LMCD1: variants seen among roughly 807,000 people sequenced by gnomAD.
LMCD1 encodes LIM and cysteine-rich domains protein 1.
Under a neutral mutation model 42.7 loss-of-function variants are expected in LMCD1, and 32 were observed. The ratio of observed to expected loss-of-function variants is 0.75; its 90% CI spans 0.57 to 1.01. The LOEUF (loss-of-function observed/expected upper bound fraction) is 1.01, where lower values mean the gene tolerates loss of function less well. LMCD1 is among the 50% of genes least tolerant of loss of function. The probability of loss-of-function intolerance (pLI) is 0.00; values close to 1 mark genes in which losing one functional copy is unlikely to be tolerated. For missense variants in LMCD1, 458 were observed against 483.1 expected, an observed-to-expected ratio of 0.95 and a Z score of 0.49; for synonymous variants, 178 against 184.9, an observed-to-expected ratio of 0.96 and a Z score of 0.30.
intron 4 of LMCD1, among the ~76,000 whole-genome samples, chr3:8,561,083 A>G (rs1414046026): frequency 6.6e-6 from 1 of 152,252 alleles, no homozygotes; most frequent in African/African-American, 2.4e-5. Flanking sequence ...ATCAAAGTAT[A>G]TAAGTTAAGA....
At chr3:8,554,879 GA>G (rs1294998696) in intron 4 of LMCD1, among the ~76,000 whole-genome samples, 6 of 152,176 alleles carry the variant, frequency 3.9e-5, no homozygotes, top group Non-Finnish European at 7.4e-5. Context: ...GAAGAAAGGG[GA>G]AAGAAAGCCA....
intron 1 of LMCD1, among the ~76,000 whole-genome samples, chr3:8,527,171 C>T (rs1694316937): frequency 6.6e-6 from 1 of 152,152 alleles, no homozygotes; most frequent in Non-Finnish European, 1.5e-5. Context: ...TTGGCATGTG[C>T]CTGGCACATA....
chr3:8,539,626 T>G (rs1483026171), intron 3 of LMCD1, among the ~76,000 whole-genome samples: 2 of 151,962 alleles, frequency 1.3e-5, no homozygotes, highest in African/African-American at 4.8e-5. Context: ...CCCAAACACA[T>G]TGACCCCAGA....
At chr3:8,505,709 C>A (rs1470631529) in intron 1 of LMCD1, among the ~76,000 whole-genome samples, 2 of 152,240 alleles carry the variant, frequency 1.3e-5, no homozygotes, top group Non-Finnish European at 2.9e-5. Flanking sequence ...AAGTCCATTG[C>A]CAGGTCCACC....
chr3:8,527,166 A>G (rs1694316841), intron 1 of LMCD1, among the ~76,000 whole-genome samples: 1 of 152,258 alleles, frequency 6.6e-6, no homozygotes, highest in Admixed American at 6.5e-5. Flanking sequence ...AATGTTTGGC[A>G]TGTGCCTGGC....
At chr3:8,556,401 G>T (rs1389429936) in intron 4 of LMCD1, among the ~76,000 whole-genome samples, 2 of 151,186 alleles carry the variant, frequency 1.3e-5, no homozygotes, top group Non-Finnish European at 2.9e-5. Flanking sequence ...TTTTTTTTCA[G>T]GAGTGTGTGT....
intron 1 of LMCD1, among the ~76,000 whole-genome samples, chr3:8,508,103 A>G (rs552791690): frequency 1.6e-4 from 25 of 152,350 alleles, no homozygotes; most frequent in African/African-American, 5.8e-4. Flanking sequence ...CAGAAGGCTA[A>G]TGGACATCTC....
chr3:8,545,223 CT>C (rs956518988), intron 3 of LMCD1, among the ~76,000 whole-genome samples: 3 of 151,034 alleles, frequency 2.0e-5, no homozygotes, highest in African/African-American at 7.3e-5. Context: ...ACAAGGTTGA[CT>C]TTTTTTTTAA....
intron 4 of LMCD1, chr3:8,550,513 C>T: frequency 1.0e-6 from 1 of 985,046 alleles, no homozygotes; most frequent in Non-Finnish European, 1.2e-6. Flanking sequence ...CTGCATCCTC[C>T]ATCTCCAAGC....
At chr3:8,564,820 T>A (rs1019430357) in intron 4 of LMCD1, among the ~76,000 whole-genome samples, 1 of 152,210 alleles carries the variant, frequency 6.6e-6, no homozygotes, top group African/African-American at 2.4e-5. Flanking sequence ...TTTTTCCAAC[T>A]TTATGTCAGT....
rs1326484843 is a variant in LMCD1 at position 8,573,072 on chromosome 3, A to G, written c.*5474A>G. ...GCTACATGAGACAATTGATTTTCTT[A>G]TTTTCTATGTAGGGTGGTACATTTC... is the stretch of plus-strand genomic sequence containing the variant. On this transcript the variant is annotated 3_prime_UTR_variant, in exon 6 of 6. Transcript: ENST00000157600. 1 of 152,076 alleles carries G rather than the reference A, an allele frequency of 6.6e-6. No individual in the cohort carries two copies. Among genetic ancestry groups the G allele is most frequent in the Non-Finnish European group, 1.5e-5 (1 of 68,004 alleles). 9.4% of individuals were successfully genotyped at this position (152,076 alleles called of 1,614,324 possible).
chr3:8,543,397 T>TAGATA (rs112109655), intron 3 of LMCD1, among the ~76,000 whole-genome samples: 4 of 92,772 alleles, frequency 4.3e-5, no homozygotes, highest in African/African-American at 1.6e-4. Context: ...GATAGATAGA[T>TAGATA]GATAGATAGA....
intron 4 of LMCD1, among the ~76,000 whole-genome samples, chr3:8,564,602 ACT>A (rs1695095489): frequency 6.6e-6 from 1 of 152,186 alleles, no homozygotes. Context: ...ATTATTTAAA[ACT>A]CTTCATGCAC....
At chr3:8,502,320 A>AATATATATTATATATT (rs1693751684) in intron 1 of LMCD1, among the ~76,000 whole-genome samples, 5 of 39,470 alleles carry the variant, frequency 1.3e-4, no homozygotes, top group African/African-American at 5.4e-4. Flanking sequence ...TAAAATATAT[A>AATATATATTATATATT]TTATATATAA....
At chr3:8,559,739 G>A (rs1186929588) in intron 4 of LMCD1, among the ~76,000 whole-genome samples, 1 of 152,172 alleles carries the variant, frequency 6.6e-6, no homozygotes, top group African/African-American at 2.4e-5. Flanking sequence ...GACAACCTCA[G>A]GTCTCTCATC....
intron 4 of LMCD1, among the ~76,000 whole-genome samples, chr3:8,564,872 G>A (rs1162214846): frequency 2.0e-5 from 3 of 152,190 alleles, no homozygotes; most frequent in Non-Finnish European, 4.4e-5. Context: ...CAAAACAACA[G>A]CATGCAAAAG....
chr3:8,551,372 C>T, intron 4 of LMCD1: 3 of 981,540 alleles, frequency 3.1e-6, no homozygotes, highest in Non-Finnish European at 3.6e-6. Flanking sequence ...TATTAAGCCC[C>T]TGCTCTGTGC....
intron 3 of LMCD1, among the ~76,000 whole-genome samples, chr3:8,547,618 C>A (rs1468925334): frequency 6.6e-6 from 1 of 152,100 alleles, no homozygotes; most frequent in Non-Finnish European, 1.5e-5. Context: ...CACAGCCAGG[C>A]GCGGTGGCTC....
intron 4 of LMCD1, 79 bp from the exon 5 acceptor site, chr3:8,565,353 G>A (rs1426103777): frequency 4.7e-6 from 6 of 1,280,536 alleles, no homozygotes; most frequent in African/African-American, 1.5e-5. Flanking sequence ...AAGTAGAAAG[G>A]CTGGAGCTGG....
Sources: gnomAD v4.1 joint callset for allele counts (sites outside exome capture counted in the v4.1 genomes callset) on GRCh38, gnomAD v4.1.1 for gene constraint, MANE v1.5 for transcripts, NCBI Gene and HGNC (gene_info 2026-07-23, HGNC 2026-07-21) for gene names.